Variants in RCAN2 observed in about 807,000 individuals in gnomAD.
The protein encoded by RCAN2 is calcipressin-2.
In RCAN2, 9 loss-of-function variants were observed where a neutral mutation model predicts 23.6. That is an observed-to-expected ratio of 0.38 (90% CI 0.23 to 0.67). The LOEUF is 0.67. RCAN2 is among the 30% of genes least tolerant of loss of function. The pLI is 0.51. For missense variants in RCAN2, 273 were observed against 302.3 expected (o/e 0.90, Z 0.72); for synonymous variants, 109 against 115.7 (o/e 0.94, Z 0.37).
intron 1 of RCAN2, among the ~76,000 whole-genome samples, chr6:46,488,191 A>G (rs1769046018): frequency 6.6e-6 from 1 of 152,266 alleles, no homozygotes; most frequent in East Asian, 1.9e-4. Context: ...TTGGTAATTC[A>G]GAATGCTGGT....
At chr6:46,313,190 T>C (rs1420671429) in intron 2 of RCAN2, among the ~76,000 whole-genome samples, 1 of 152,184 alleles carries the variant, frequency 6.6e-6, no homozygotes, top group Non-Finnish European at 1.5e-5. Flanking sequence ...TGGGGTAGCC[T>C]TCCCTCCTCA....
chr6:46,297,694 A>T (rs1177535462), intron 2 of RCAN2, among the ~76,000 whole-genome samples: 1 of 152,118 alleles, frequency 6.6e-6, no homozygotes, highest in Non-Finnish European at 1.5e-5. Context: ...TGGAAATAGG[A>T]GTAACACTCT....
At chr6:46,485,074 G>A (rs965023289) in intron 1 of RCAN2, among the ~76,000 whole-genome samples, 23 of 152,146 alleles carry the variant, frequency 1.5e-4, no homozygotes, top group African/African-American at 5.6e-4. Context: ...TGAGCCAATA[G>A]TCCCACTTCT....
intron 2 of RCAN2, among the ~76,000 whole-genome samples, chr6:46,376,992 T>C (rs1582153537): frequency 1.3e-5 from 2 of 152,128 alleles, no homozygotes; most frequent in South Asian, 4.1e-4. Context: ...AAAAAAGAGA[T>C]GTAATTTTAT....
At chr6:46,348,900 C>T (rs563842944) in intron 2 of RCAN2, among the ~76,000 whole-genome samples, 1 of 152,260 alleles carries the variant, frequency 6.6e-6, no homozygotes, top group Non-Finnish European at 1.5e-5. Context: ...TTTTCCATTA[C>T]TGCAGATAAT....
At chr6:46,480,077 A>G (rs983817863) in intron 1 of RCAN2, among the ~76,000 whole-genome samples, 3 of 152,218 alleles carry the variant, frequency 2.0e-5, no homozygotes, top group African/African-American at 7.2e-5. Flanking sequence ...AGTATTATTC[A>G]TTATAAAGCG....
intron 2 of RCAN2, among the ~76,000 whole-genome samples, chr6:46,345,454 T>G (rs192010557): frequency 3.9e-5 from 6 of 152,266 alleles, no homozygotes; most frequent in Non-Finnish European, 7.4e-5. Context: ...TCTTTTCAGA[T>G]GTACACAGGT....
intron 2 of RCAN2, among the ~76,000 whole-genome samples, chr6:46,261,005 A>G (rs1330494597): frequency 6.6e-6 from 1 of 152,084 alleles, no homozygotes; most frequent in Non-Finnish European, 1.5e-5. Flanking sequence ...TACAACATCA[A>G]TGGCTGCCTT....
intron 2 of RCAN2, among the ~76,000 whole-genome samples, chr6:46,334,298 C>T (rs1320538422): frequency 6.6e-6 from 1 of 152,212 alleles, no homozygotes; most frequent in Admixed American, 6.5e-5. Flanking sequence ...GAAGCGGGCT[C>T]CTCTACCTTG....
intron 2 of RCAN2, among the ~76,000 whole-genome samples, chr6:46,319,232 G>A (rs1304998879): frequency 6.6e-6 from 1 of 152,116 alleles, no homozygotes; most frequent in Non-Finnish European, 1.5e-5. Flanking sequence ...AGTGTTTCAG[G>A]TATCATTTTC....
In RCAN2 at chr6:46,222,252, C is replaced by A. The variant is rs1389269777; in HGVS notation, c.*889G>T. ...TGTTTTGAAGCAGCTAATTGTCGAA[C>A]AATCACTAAATAAAAAACATCCAGA... On this transcript the variant is annotated 3_prime_UTR_variant, in exon 5 of 5. Transcript: ENST00000371374. 2.9e-6 allele frequency: 1 copy of A among 342,378 alleles called. No homozygotes were observed. The highest frequency in any genetic ancestry group is 5.2e-6 in the Non-Finnish European group (1 of 191,082). The allele number at this position is 342,378 out of a possible 1,614,324, so 21.2% of individuals were successfully genotyped here. A position where few individuals can be genotyped will look rare whatever the true frequency, so the allele number is the denominator to read the frequency against.
intron 2 of RCAN2, among the ~76,000 whole-genome samples, chr6:46,426,601 A>T (rs1272351603): frequency 6.6e-6 from 1 of 152,230 alleles, no homozygotes; most frequent in Non-Finnish European, 1.5e-5. Context: ...TAAATGAATG[A>T]GCCCTAAATC....
At chr6:46,226,622 T>G (rs1765674231) in intron 4 of RCAN2, among the ~76,000 whole-genome samples, 1 of 152,250 alleles carries the variant, frequency 6.6e-6, no homozygotes, top group Non-Finnish European at 1.5e-5. Flanking sequence ...TTGTGATTTT[T>G]GCACATTGAT....
Position 46,223,063 on chromosome 6 carries a change from G to A in RCAN2, c.*78C>T. 6.6e-7 allele frequency: 1 copy of A among 1,506,178 alleles called. No homozygotes were observed. The highest frequency in any genetic ancestry group is 9.1e-7 in the Non-Finnish European group (1 of 1,104,726). The allele number at this position is 1,506,178 out of a possible 1,614,324, so 93.3% of individuals were successfully genotyped here. ...CAACCAAACACCCAGGAATTTAAAG[G>A]CAATTTTTTTTGACAAACAACAGGG... On this transcript the variant is annotated 3_prime_UTR_variant, in exon 5 of 5. Transcript: ENST00000371374.
chr6:46,423,168 G>C (rs1534363), intron 2 of RCAN2, among the ~76,000 whole-genome samples: 76,814 of 151,886 alleles, frequency 0.51, 19,983 homozygotes, highest in East Asian at 0.61. Flanking sequence ...CCTAGTATTT[G>C]TGGATTGTTT....
Position 46,364,219 on chromosome 6 carries a change from A to G in RCAN2, c.225+92533T>C, listed in dbSNP as rs149276889. On this transcript the variant is annotated intron_variant, in intron 2 of 4. Transcript: ENST00000371374. ...TTATGTTGGCTAACCTTTAGAGAGA[A>G]CTAAATAAAGGGGTGGGGAACAAAG... Among the ~76,000 whole-genome samples the G allele has an allele frequency of 3.6e-4, 55 of 152,248 alleles. 1 individual carries two copies. In the East Asian group the frequency reaches 9.7e-3, roughly 27 times the overall value.
At chr6:46,361,001 T>C (rs1283828777) in intron 2 of RCAN2, among the ~76,000 whole-genome samples, 1 of 152,256 alleles carries the variant, frequency 6.6e-6, no homozygotes, top group South Asian at 2.1e-4. Flanking sequence ...ATTCAATTAA[T>C]CACAGCAATA....
chr6:46,314,702 G>C (rs1763377555), intron 2 of RCAN2, among the ~76,000 whole-genome samples: 1 of 152,168 alleles, frequency 6.6e-6, no homozygotes, highest in South Asian at 2.1e-4. Context: ...AAGGTGTTTA[G>C]ATATATTTTA....
chr6:46,235,457 T>C (rs1413485095), intron 4 of RCAN2, among the ~76,000 whole-genome samples: 1 of 152,200 alleles, frequency 6.6e-6, no homozygotes, highest in East Asian at 1.9e-4. Flanking sequence ...TGAGCCCCAG[T>C]TCCTGCCCTA....
Sources: allele counts gnomAD v4.1 joint callset (sites outside exome capture counted in the v4.1 genomes callset), GRCh38; gene constraint gnomAD v4.1.1; transcripts MANE v1.5; gene names NCBI Gene and HGNC (gene_info 2026-07-23, HGNC 2026-07-21).